ZNF345: variants seen among roughly 807,000 people sequenced by gnomAD.
ZNF345 encodes the protein zinc finger protein HZF10.
For synonymous variants in ZNF345, 166 were observed against 187.9 expected (o/e 0.88, Z 0.95); for missense variants, 527 against 589.9 (o/e 0.89, Z 1.10).
chr19:36,868,417 G>C (rs2072706259), intron 2 of ZNF345, among the ~76,000 whole-genome samples: 1 of 152,060 alleles, frequency 6.6e-6, no homozygotes, highest in African/African-American at 2.4e-5. Flanking sequence ...AAATCTATTA[G>C]TCATAGATGT....
Sources: gnomAD v4.1 joint callset for allele counts (sites outside exome capture counted in the v4.1 genomes callset) on GRCh38, gnomAD v4.1.1 for gene constraint, MANE v1.5 for transcripts, NCBI Gene and HGNC (gene_info 2026-07-23, HGNC 2026-07-21) for gene names.